RBPJ: variants seen among roughly 807,000 people sequenced by gnomAD.
The protein encoded by RBPJ is recombining binding protein suppressor of hairless.
RBPJ carries 9 observed loss-of-function variants against 67.8 expected under a neutral mutation model. The observed-to-expected ratio is 0.13, with a 90% CI of 0.08 to 0.23. RBPJ has a LOEUF of 0.23. Ranked by LOEUF, RBPJ falls within the 10% of genes least tolerant of loss-of-function variation. The pLI is 1.00. For synonymous variants in RBPJ, 198 were observed against 203.3 expected (o/e 0.97, Z 0.22); for missense variants, 305 against 595.6 (o/e 0.51, Z 5.08).
chr4:26,215,074 A>G (rs191450863), intron 1 of RBPJ, among the ~76,000 whole-genome samples: 1 of 66,186 alleles, frequency 1.5e-5, no homozygotes, highest in Non-Finnish European at 2.9e-5. Flanking sequence ...GAAAGAGAAA[A>G]AGAGAGAAAA....
the RBPJ span, among the ~76,000 whole-genome samples, chr4:26,107,687 C>T: frequency 2.6e-5 from 4 of 152,194 alleles, no homozygotes; most frequent in Admixed American, 2.6e-4. Flanking sequence ...CACTTGAGGT[C>T]AGAAGTTCGA....
chr4:26,196,471 C>T (rs1717768311), intron 1 of RBPJ, among the ~76,000 whole-genome samples: 1 of 151,994 alleles, frequency 6.6e-6, no homozygotes, highest in Non-Finnish European at 1.5e-5. Context: ...GTATGGGATT[C>T]CTTTTAGGGG....
chr4:26,136,514 G>A, the RBPJ span, among the ~76,000 whole-genome samples: 1 of 152,224 alleles, frequency 6.6e-6, no homozygotes, highest in Non-Finnish European at 1.5e-5. Flanking sequence ...GTAACAGAGG[G>A]AGAGGGAGGA....
intron 1 of RBPJ, among the ~76,000 whole-genome samples, chr4:26,313,894 G>C (rs1577416206): frequency 6.6e-6 from 1 of 152,118 alleles, no homozygotes; most frequent in East Asian, 1.9e-4. Context: ...AATTTTATTT[G>C]GTAAATTTTT....
At chr4:26,136,630 G>A in the RBPJ span, among the ~76,000 whole-genome samples, 2 of 152,266 alleles carry the variant, frequency 1.3e-5, no homozygotes, top group East Asian at 3.9e-4. Context: ...CAACAATTTA[G>A]ATTACTTACA....
chr4:26,195,230 G>A lies in RBPJ; in HGVS notation c.-167+31616G>A, dbSNP rs373920069. Among the ~76,000 whole-genome samples, 24 of 152,222 alleles carry A rather than the reference G, an allele frequency of 1.6e-4. No homozygotes were observed. In the East Asian group the frequency reaches 2.3e-3, roughly 15 times the overall value. On this transcript the variant is annotated intron_variant, in intron 1 of 4. Coordinates refer to the RBPJ transcript ENST00000512351. ...CAAAAAGTTTAAAAATTACCTGGGC[G>A]TGGTGGCAGCATGCCTGTAGTCCTA...
chr4:26,134,667 C>CCCAGG, the RBPJ span, among the ~76,000 whole-genome samples: 4 of 152,000 alleles, frequency 2.6e-5, no homozygotes, highest in African/African-American at 7.3e-5. Context: ...ACCAAAGATC[C>CCCAGG]CCAGGAGATT....
intron 1 of RBPJ, among the ~76,000 whole-genome samples, chr4:26,375,022 G>T (rs1424038571): frequency 6.6e-6 from 1 of 152,060 alleles, no homozygotes; most frequent in Non-Finnish European, 1.5e-5. Flanking sequence ...TGATGTGAGG[G>T]CTGGGCACGG....
intron 1 of RBPJ, among the ~76,000 whole-genome samples, chr4:26,371,876 A>G (rs1049474750): frequency 6.6e-5 from 10 of 152,250 alleles, no homozygotes; most frequent in African/African-American, 2.2e-4. Context: ...GGCAAAGAAT[A>G]TAAGTAGTTT....
chr4:26,130,702 G>A, the RBPJ span, among the ~76,000 whole-genome samples: 1,579 of 152,140 alleles, frequency 0.01, 25 homozygotes, highest in African/African-American at 0.036. Flanking sequence ...AAAAAATTCT[G>A]TGCACTCCTT....
intron 1 of RBPJ, among the ~76,000 whole-genome samples, chr4:26,385,643 A>G (rs902482779): frequency 1.3e-5 from 2 of 152,178 alleles, no homozygotes; most frequent in Non-Finnish European, 2.9e-5. Context: ...GGCAAATTAA[A>G]TAGTTAAAAT....
intron 1 of RBPJ, among the ~76,000 whole-genome samples, chr4:26,342,289 TGTG>T (rs1560279630): frequency 1.4e-5 from 2 of 141,152 alleles, no homozygotes; most frequent in East Asian, 4.1e-4. Flanking sequence ...AAAAAGGGAA[TGTG>T]GTGTTTAGTA....
intron 1 of RBPJ, among the ~76,000 whole-genome samples, chr4:26,190,937 G>T (rs1717462448): frequency 6.6e-6 from 1 of 151,552 alleles, no homozygotes; most frequent in East Asian, 1.9e-4. Context: ...CTTGAGCTCA[G>T]GAGTTTGGCA....
chr4:26,321,671 G>C (rs1166392338), intron 1 of RBPJ: 2 of 153,260 alleles, frequency 1.3e-5, no homozygotes, highest in Non-Finnish European at 2.9e-5. Flanking sequence ...TCTTTCTCCT[G>C]TGGGTCCCCT....
At chr4:26,428,360 C>T (rs1227093042) in intron 7 of RBPJ, among the ~76,000 whole-genome samples, 2 of 152,156 alleles carry the variant, frequency 1.3e-5, no homozygotes, top group African/African-American at 4.8e-5. Context: ...ATATCAGGCC[C>T]CACAAGAGTC....
At chr4:26,320,855 C>A, upstream of RBPJ, 1 of 1,570,084 alleles carries the variant, frequency 6.4e-7, no homozygotes, top group East Asian at 2.3e-5. Context: ...ATCCCCTACT[C>A]TGCGGGCGGC....
chr4:26,158,943 C>G (rs1340410699), upstream of RBPJ, among the ~76,000 whole-genome samples: 1 of 124,642 alleles, frequency 8.0e-6, no homozygotes, highest in Non-Finnish European at 1.6e-5. Flanking sequence ...CCCTCTCTCT[C>G]TTTCTCTCTC....
At chr4:26,149,807 C>CTAAGA in the RBPJ span, among the ~76,000 whole-genome samples, 273 of 152,358 alleles carry the variant, frequency 1.8e-3, 1 homozygote, top group African/African-American at 6.3e-3. Context: ...ACAAACCAGA[C>CTAAGA]TAAGACATAT....
At chr4:26,134,881 C>T in the RBPJ span, among the ~76,000 whole-genome samples, 1 of 152,100 alleles carries the variant, frequency 6.6e-6, no homozygotes, top group African/African-American at 2.4e-5. Flanking sequence ...ATCTCAAGAT[C>T]GTCAAGTCTC....
Sources: allele counts gnomAD v4.1 joint callset (sites outside exome capture counted in the v4.1 genomes callset), GRCh38; gene constraint gnomAD v4.1.1; transcripts MANE v1.5; gene names NCBI Gene and HGNC (gene_info 2026-07-23, HGNC 2026-07-21).